Variants in C6orf52 observed in about 807,000 individuals in gnomAD.
C6orf52 encodes the protein chromosome 6 open reading frame 52, also known as putative uncharacterized protein C6orf52.
Under a neutral mutation model 16.6 loss-of-function variants are expected in C6orf52, and 16 were observed. The observed-to-expected ratio is 0.96, with a 90% CI of 0.65 to 1.46. The LOEUF is 1.46. C6orf52 is among the 40% of genes most tolerant of loss of function. C6orf52 has a pLI of 0.00. For missense variants in C6orf52, 166 were observed against 182.3 expected, an observed-to-expected ratio of 0.91 and a Z score of 0.52; for synonymous variants, 53 against 61.4, an observed-to-expected ratio of 0.86 and a Z score of 0.64.
intron 3 of C6orf52, among the ~76,000 whole-genome samples, chr6:10,683,721 C>G (rs376497066): frequency 6.6e-6 from 1 of 152,206 alleles, no homozygotes. Flanking sequence ...ATATTAGGTG[C>G]TCAAGAAAAT....
intron 2 of C6orf52, 96 bp downstream of exon 2, chr6:10,687,382 TTA>T: frequency 9.9e-7 from 1 of 1,009,282 alleles, no homozygotes; most frequent in Non-Finnish European, 1.5e-6. Flanking sequence ...CCCCAGAACT[TTA>T]AAAAAAAAAA....
In C6orf52 at chr6:10,672,650, AAAT is replaced by A. The variant is rs778289521; in HGVS notation, c.317-1055_317-1053del. On this transcript the variant is annotated intron_variant, in intron 4 of 4. Transcript: ENST00000259983. Reference sequence around the variant, plus strand: ...ACTGAGACGTCACTACAAAATATAAAAATAATTTTTTTTAAAAAAAGAGCAGAG... The same window carrying A: ...ACTGAGACGTCACTACAAAATATAAAAATTTTTTTTAAAAAAAGAGCAGAG... The A allele has an allele frequency of 5.3e-5, 36 of 677,636 alleles. No individual in the cohort carries two copies. In the South Asian group the frequency reaches 5.7e-4, roughly 11 times the overall value. 42.0% of individuals were successfully genotyped at this position (677,636 alleles called of 1,614,324 possible).
chr6:10,676,817 C>A (rs2127461717), intron 4 of C6orf52, among the ~76,000 whole-genome samples: 1 of 152,304 alleles, frequency 6.6e-6, no homozygotes, highest in Non-Finnish European at 1.5e-5. Flanking sequence ...TTTCTTCTAC[C>A]TATTAAGCCT....
At position 10,678,183 on chromosome 6, in the gene C6orf52, T is replaced by TAAA. The variant is rs377733205; in HGVS notation, c.316+5001_316+5003dup. Among the ~76,000 whole-genome samples, 229 of 101,586 alleles carry TAAA rather than the reference T, an allele frequency of 2.3e-3. 4 individuals are homozygous for TAAA. Among genetic ancestry groups the TAAA allele is most frequent in the African/African-American group, 8.5e-3 (220 of 25,876 alleles). The allele number at this position is 101,586 out of a possible 152,430, so 66.6% of individuals were successfully genotyped here. A position where few individuals can be genotyped will look rare whatever the true frequency, so the allele number is the denominator to read the frequency against. ...CCTGGGCAACAGAGTGAGACTGTCT[T>TAAA]AAAAAAAAAAAAAAAAAAAAAAAAG... is the stretch of plus-strand genomic sequence containing the variant. On this transcript the variant is annotated intron_variant, in intron 4 of 4. Transcript: ENST00000259983.
chr6:10,689,848 G>A (rs576732956), intron 1 of C6orf52, among the ~76,000 whole-genome samples: 36 of 152,304 alleles, frequency 2.4e-4, no homozygotes, highest in African/African-American at 8.2e-4. Context: ...CTGGCCTACC[G>A]CTGGTTTACT....
intron 1 of C6orf52, among the ~76,000 whole-genome samples, chr6:10,688,258 T>C (rs1189995980): frequency 6.6e-6 from 1 of 152,164 alleles, no homozygotes; most frequent in Non-Finnish European, 1.5e-5. Context: ...TCAAATGACC[T>C]GGACTTGTTT....
intron 4 of C6orf52, among the ~76,000 whole-genome samples, chr6:10,681,696 ATTAAT>A (rs1768416366): frequency 6.6e-6 from 1 of 152,228 alleles, no homozygotes; most frequent in Admixed American, 6.5e-5. Flanking sequence ...CACACTAGAG[ATTAAT>A]TTGTCTGGAA....
At chr6:10,687,268 A>C (rs1359269894) in intron 2 of C6orf52, 104 bp from the exon 3 acceptor site, 31 of 887,382 alleles carry the variant, frequency 3.5e-5, no homozygotes, top group Non-Finnish European at 5.4e-5. Flanking sequence ...CCTATGTTCA[A>C]AGCCATAGTT....
At chr6:10,688,326 T>C (rs1476290370) in intron 1 of C6orf52, among the ~76,000 whole-genome samples, 2 of 152,210 alleles carry the variant, frequency 1.3e-5, no homozygotes, top group African/African-American at 4.8e-5. Flanking sequence ...TCTGCCTTTA[T>C]TAGCCAGCTC....
intron 4 of C6orf52, among the ~76,000 whole-genome samples, chr6:10,676,087 G>A (rs1319540097): frequency 1.3e-5 from 2 of 152,118 alleles, no homozygotes; most frequent in African/African-American, 2.4e-5. Flanking sequence ...CCGAAATCAC[G>A]CCACTGCGTT....
At chr6:10,676,397 C>CTTTTCTATT (rs1479137742) in intron 4 of C6orf52, among the ~76,000 whole-genome samples, 3 of 152,144 alleles carry the variant, frequency 2.0e-5, no homozygotes, top group Non-Finnish European at 4.4e-5. Context: ...AAATCATTTT[C>CTTTTCTATT]TTTTCTAACA....
chr6:10,672,202 A>C (rs1767493272), intron 4 of C6orf52, among the ~76,000 whole-genome samples: 1 of 152,158 alleles, frequency 6.6e-6, no homozygotes, highest in Non-Finnish European at 1.5e-5. Context: ...AAGGCTTACA[A>C]GGTCATTAAT....
intron 3 of C6orf52, among the ~76,000 whole-genome samples, chr6:10,684,267 C>T (rs1768658836): frequency 6.6e-6 from 1 of 152,138 alleles, no homozygotes; most frequent in Non-Finnish European, 1.5e-5. Context: ...ATGATGGCAC[C>T]ACTGCACTCC....
intron 4 of C6orf52, among the ~76,000 whole-genome samples, chr6:10,682,127 CT>C (rs1202224589): frequency 1.3e-5 from 2 of 152,150 alleles, no homozygotes; most frequent in African/African-American, 4.8e-5. Context: ...AAGAGCTTTC[CT>C]TTCACTTAAT....
Position 10,674,685 on chromosome 6 carries a change from A to C in C6orf52, c.317-3087T>G, listed in dbSNP as rs938493761. ...AAGACTAGTCAAATGCAGCAGTAAGAAGCAAGGAAAGAGTAGAACAAAAAG... is the reference window on the plus strand; with the variant it reads ...AAGACTAGTCAAATGCAGCAGTAAGCAGCAAGGAAAGAGTAGAACAAAAAG... On this transcript the variant is annotated intron_variant, in intron 4 of 4. Coordinates refer to ENST00000259983, the MANE Select transcript of C6orf52 (RefSeq NM_001145020.3). The C allele has an allele frequency of 9.9e-5, 15 of 151,216 alleles. No individual in the cohort carries two copies. The East Asian group carries it at 1.7e-3, about 18-fold the overall frequency. 9.4% of individuals were successfully genotyped at this position (151,216 alleles called of 1,614,324 possible). A position where few individuals can be genotyped will look rare whatever the true frequency, so the allele number is the denominator to read the frequency against.
chr6:10,679,983 T>C (rs1000556617), intron 4 of C6orf52, among the ~76,000 whole-genome samples: 2 of 152,230 alleles, frequency 1.3e-5, no homozygotes, highest in African/African-American at 4.8e-5. Context: ...CCAAGCGCAG[T>C]TGCTCATGCC....
intron 4 of C6orf52, among the ~76,000 whole-genome samples, chr6:10,676,933 C>G (rs191643928): frequency 6.6e-6 from 1 of 152,238 alleles, no homozygotes; most frequent in Non-Finnish European, 1.5e-5. Context: ...TAATCACTTG[C>G]ATAGCGTGCA....
chr6:10,686,413 G>A (rs2127468837), intron 3 of C6orf52, among the ~76,000 whole-genome samples: 1 of 152,314 alleles, frequency 6.6e-6, no homozygotes, highest in Middle Eastern at 3.4e-3. Context: ...GAATGGGGAA[G>A]GAGGAGGGGT....
At chr6:10,688,578 ATTG>A (rs1769040904) in intron 1 of C6orf52, among the ~76,000 whole-genome samples, 1 of 152,154 alleles carries the variant, frequency 6.6e-6, no homozygotes, top group South Asian at 2.1e-4. Flanking sequence ...TCCATGGGAG[ATTG>A]TTTACAGGAT....
Sources: gnomAD v4.1 joint callset for allele counts (sites outside exome capture counted in the v4.1 genomes callset) on GRCh38, gnomAD v4.1.1 for gene constraint, MANE v1.5 for transcripts, NCBI Gene and HGNC (gene_info 2026-07-23, HGNC 2026-07-21) for gene names.